The following VRK2 variants were observed in gnomAD, a reference collection of about 807,000 sequenced individuals.
VRK2 encodes VRK serine/threonine kinase 2.
Under a neutral mutation model 57.6 loss-of-function variants are expected in VRK2, and 60 were observed. The ratio of observed to expected loss-of-function variants is 1.04; its 90% CI spans 0.85 to 1.29. The LOEUF is 1.29. Ranked by LOEUF, VRK2 falls within the 50% of genes most tolerant of loss-of-function variation. The pLI is 0.00. For synonymous variants in VRK2, 231 were observed against 199.2 expected (o/e 1.16, Z -1.35); for missense variants, 705 against 588.1 (o/e 1.20, Z -2.06).
intron 1 of VRK2, among the ~76,000 whole-genome samples, chr2:58,024,931 TA>T (rs1673877412): frequency 6.6e-6 from 1 of 152,188 alleles, no homozygotes; most frequent in Non-Finnish European, 1.5e-5. Flanking sequence ...AAACCAAATG[TA>T]AATATGGATG....
chr2:57,992,665 T>C (rs1375210086), intron 1 of VRK2, among the ~76,000 whole-genome samples: 1 of 151,834 alleles, frequency 6.6e-6, no homozygotes, highest in Non-Finnish European at 1.5e-5. Flanking sequence ...GCCTCCCGAG[T>C]AGCTGGGACT....
chr2:58,084,126 T>C lies in VRK2; in HGVS notation c.174T>C (p.His58=). The stretch of plus-strand genomic sequence containing the variant: ...ATAAACCAGAGAAAGATGCAAGACA[T>C]GTAGTAAAAGTGGTAAGTGTTGCTC... ...PTNKPEKDAR[H]VVKVEYQENG... Residue 58 remains histidine, a synonymous_variant, in exon 3 of 13, where the codon CAT becomes CAC. Transcript: ENST00000340157. The C allele has an allele frequency of 6.2e-7, 1 of 1,607,306 alleles. No homozygotes were observed. Among genetic ancestry groups the C allele is most frequent in the Non-Finnish European group, 8.5e-7 (1 of 1,175,862 alleles).
At chr2:58,101,388 T>C (rs975110719) in intron 7 of VRK2, among the ~76,000 whole-genome samples, 1 of 151,756 alleles carries the variant, frequency 6.6e-6, no homozygotes, top group Non-Finnish European at 1.5e-5. Flanking sequence ...TTAAATACTT[T>C]AGTATGTATG....
At chr2:57,934,276 G>A (rs1002393770) in intron 1 of VRK2, among the ~76,000 whole-genome samples, 2 of 152,084 alleles carry the variant, frequency 1.3e-5, no homozygotes, top group East Asian at 1.9e-4. Context: ...CCTTGAATCA[G>A]GTTGAAGAAC....
At chr2:58,016,978 T>C (rs1397302790) in intron 1 of VRK2, among the ~76,000 whole-genome samples, 3 of 152,200 alleles carry the variant, frequency 2.0e-5, no homozygotes, top group Non-Finnish European at 4.4e-5. Context: ...CAAGAAATTA[T>C]AGGGGTTTCC....
upstream of VRK2, among the ~76,000 whole-genome samples, chr2:58,045,575 A>C (rs556282928): frequency 5.9e-5 from 9 of 152,232 alleles, no homozygotes; most frequent in Non-Finnish European, 1.2e-4. Flanking sequence ...TAAGGGCACA[A>C]TTATTCTATG....
rs80073642 is a variant in VRK2 at position 58,150,156 on chromosome 2, T to C, written c.1182+3682T>C. 4.1e-3 allele frequency among the ~76,000 whole-genome samples: 628 copies of C among 151,666 alleles called. 6 individuals are homozygous for C. The highest frequency in any genetic ancestry group is 0.014 in the African/African-American group (596 of 41,500). On this transcript the variant is annotated intron_variant, in intron 12 of 12. Coordinates refer to ENST00000340157, the MANE Select transcript of VRK2 (RefSeq NM_006296.7). ...TTATGAATTATACCAGTTGGAAGTG[T>C]TGCACTCTGTTTTCAGAAAATGTTT...
intron 12 of VRK2, among the ~76,000 whole-genome samples, chr2:58,155,965 G>A (rs1224308641): frequency 6.7e-6 from 1 of 150,110 alleles, no homozygotes; most frequent in Non-Finnish European, 1.5e-5. Flanking sequence ...TTTCCAGAAC[G>A]CAGGCTCTTT....
At chr2:58,101,963 T>C (rs1674030606) in intron 7 of VRK2, among the ~76,000 whole-genome samples, 1 of 151,672 alleles carries the variant, frequency 6.6e-6, no homozygotes, top group Non-Finnish European at 1.5e-5. Flanking sequence ...TGTTAATCAA[T>C]GTTCAGGAGT....
At chr2:58,102,227 AG>A (rs1453179398) in intron 7 of VRK2, among the ~76,000 whole-genome samples, 3 of 151,618 alleles carry the variant, frequency 2.0e-5, no homozygotes, top group African/African-American at 7.3e-5. Context: ...AAGCATCATG[AG>A]GAAAAAGCCC....
chr2:58,128,521 G>A (rs1678695767), intron 8 of VRK2, among the ~76,000 whole-genome samples: 1 of 151,972 alleles, frequency 6.6e-6, no homozygotes, highest in African/African-American at 2.4e-5. Context: ...TAGTAGAGAT[G>A]GGGTTTCGCC....
intron 5 of VRK2, 58 bp downstream of exon 5, chr2:58,086,484 T>C: frequency 7.1e-7 from 1 of 1,413,758 alleles, no homozygotes; most frequent in Admixed American, 2.4e-5. Flanking sequence ...ATGTGGTCTA[T>C]GAGTTAACTA....
At chr2:58,067,614 G>T (rs1668779344) in intron 2 of VRK2, among the ~76,000 whole-genome samples, 1 of 151,766 alleles carries the variant, frequency 6.6e-6, no homozygotes, top group African/African-American at 2.4e-5. Flanking sequence ...TTGACTTCTG[G>T]TTATTTTCTT....
rs1174554322 is a variant in VRK2, at chr2:58,058,523, A to G, written c.136+9556A>G. 3 of 400,784 alleles carry G rather than the reference A, an allele frequency of 7.5e-6. No individual in the cohort carries two copies. In the East Asian group the frequency reaches 2.2e-4, roughly 29 times the overall value. The allele number at this position is 400,784 out of a possible 1,614,324, so 24.8% of individuals were successfully genotyped here. ...GTGCCACCTAATGAACCTCTTAGAC[A>G]TAATGTTACCAAAGTCTCACTGATG... On this transcript the variant is annotated intron_variant, in intron 2 of 12. Transcript: ENST00000340157.
intron 2 of VRK2, 113 bp downstream of exon 2, chr2:58,049,080 A>G: frequency 7.6e-7 from 1 of 1,316,138 alleles, no homozygotes; most frequent in Non-Finnish European, 1.0e-6. Context: ...CTTTATTAAA[A>G]TTCATGATTG....
At chr2:58,071,059 A>G (rs1353337142) in intron 2 of VRK2, among the ~76,000 whole-genome samples, 1 of 152,108 alleles carries the variant, frequency 6.6e-6, no homozygotes, top group Non-Finnish European at 1.5e-5. Context: ...TCCTGGTTAT[A>G]TATGATGTTA....
At chr2:57,944,035 T>C (rs970225451) in intron 1 of VRK2, among the ~76,000 whole-genome samples, 1 of 152,154 alleles carries the variant, frequency 6.6e-6, no homozygotes, top group African/African-American at 2.4e-5. Flanking sequence ...TAGAGTGTAG[T>C]TTGCTGACAG....
At chr2:58,067,950 A>G (rs1269978354) in intron 2 of VRK2, among the ~76,000 whole-genome samples, 1 of 148,264 alleles carries the variant, frequency 6.7e-6, no homozygotes, top group Non-Finnish European at 1.5e-5. Flanking sequence ...TTTTTTTTGA[A>G]ACAGAGTATC....
chr2:58,131,771 TA>T, intron 8 of VRK2, 36 bp from the exon 9 acceptor site: 1 of 1,549,130 alleles, frequency 6.5e-7, no homozygotes, highest in Non-Finnish European at 8.7e-7. Flanking sequence ...AGGACTTGCT[TA>T]TCCCTTATCT....
Sources: allele counts gnomAD v4.1 joint callset (sites outside exome capture counted in the v4.1 genomes callset), GRCh38; gene constraint gnomAD v4.1.1; transcripts MANE v1.5; gene names NCBI Gene and HGNC (gene_info 2026-07-23, HGNC 2026-07-21).